The following NLGN1 variants were observed in gnomAD, a reference collection of about 807,000 sequenced individuals.
NLGN1 encodes the protein neuroligin-1.
In NLGN1, 12 loss-of-function variants were observed where a neutral mutation model predicts 65.5. The ratio of observed to expected loss-of-function variants is 0.18; its 90% CI spans 0.12 to 0.30. The LOEUF (loss-of-function observed/expected upper bound fraction) is 0.30, where lower values mean the gene tolerates loss of function less well. NLGN1 is among the 10% of genes least tolerant of loss of function. The pLI, the probability that NLGN1 is intolerant of heterozygous loss-of-function variation, is 1.00. For missense variants in NLGN1, 750 were observed against 1,007.1 expected, an observed-to-expected ratio of 0.74 and a Z score of 3.46; for synonymous variants, 350 against 359.5, an observed-to-expected ratio of 0.97 and a Z score of 0.30.
chr3:173,698,855 GTTGTTTGT>G (rs201682832), intron 3 of NLGN1, among the ~76,000 whole-genome samples: 1 of 151,734 alleles, frequency 6.6e-6, no homozygotes, highest in Non-Finnish European at 1.5e-5. Flanking sequence ...AATTTTTTTT[GTTGTTTGT>G]TTGTTTGTTT....
chr3:173,539,778 A>G (rs1403780279), intron 2 of NLGN1, among the ~76,000 whole-genome samples: 1 of 117,170 alleles, frequency 8.5e-6, no homozygotes, highest in Admixed American at 9.2e-5. Context: ...TATATAACAC[A>G]TATATATGTA....
At chr3:174,067,019 A>G (rs148559392) in intron 4 of NLGN1, among the ~76,000 whole-genome samples, 78 of 152,238 alleles carry the variant, frequency 5.1e-4, no homozygotes, top group African/African-American at 1.9e-3. Flanking sequence ...GCTTCTCTGT[A>G]TTTCTGAATT....
intron 4 of NLGN1, among the ~76,000 whole-genome samples, chr3:174,273,971 C>T (rs959971805): frequency 5.9e-4 from 90 of 151,632 alleles, no homozygotes; most frequent in African/African-American, 2.1e-3. Context: ...TAAATGTAAT[C>T]GATGTCCTAG....
At chr3:173,654,559 T>A (rs1329332455) in intron 3 of NLGN1, among the ~76,000 whole-genome samples, 1 of 152,134 alleles carries the variant, frequency 6.6e-6, no homozygotes, top group Non-Finnish European at 1.5e-5. Context: ...ATTGTTTTCT[T>A]GGTTCTAAGT....
chr3:174,016,870 T>G (rs1186143705), intron 4 of NLGN1, among the ~76,000 whole-genome samples: 1 of 152,096 alleles, frequency 6.6e-6, no homozygotes, highest in Non-Finnish European at 1.5e-5. Context: ...AGAAGAATTA[T>G]CACTGGAGGT....
intron 4 of NLGN1, among the ~76,000 whole-genome samples, chr3:174,260,702 G>T (rs1377867041): frequency 2.0e-5 from 3 of 146,998 alleles, no homozygotes; most frequent in Non-Finnish European, 4.5e-5. Context: ...GATCCCATTT[G>T]TCAATTTTGG....
chr3:173,994,465 CAAAAAAAAAAAAAAAA>C (rs1170577220), intron 4 of NLGN1, among the ~76,000 whole-genome samples: 1 of 32,908 alleles, frequency 3.0e-5, no homozygotes. Context: ...TTGAGAAAAG[CAAAAAAAAAAAAAAAA>C]AAAAAAAAAA....
At chr3:173,592,121 C>CTT (rs138944862) in intron 2 of NLGN1, among the ~76,000 whole-genome samples, 1,896 of 152,264 alleles carry the variant, frequency 0.012, 47 homozygotes, top group African/African-American at 0.042. Context: ...CTCTTGCCCC[C>CTT]TTCACCTCCC....
chr3:173,704,092 G>A (rs1767671556), intron 3 of NLGN1, among the ~76,000 whole-genome samples: 1 of 152,146 alleles, frequency 6.6e-6, no homozygotes, highest in South Asian at 2.1e-4. Flanking sequence ...ACCTGCAGTA[G>A]CAGATGCAGA....
At chr3:173,430,035 C>T (rs965887891) in intron 1 of NLGN1, among the ~76,000 whole-genome samples, 1 of 152,146 alleles carries the variant, frequency 6.6e-6, no homozygotes, top group East Asian at 1.9e-4. Context: ...ATGATGCTTC[C>T]TGTGGATTCA....
At chr3:173,975,672 A>G (rs1018485975) in intron 4 of NLGN1, among the ~76,000 whole-genome samples, 3 of 151,888 alleles carry the variant, frequency 2.0e-5, no homozygotes, top group Admixed American at 6.6e-5. Context: ...ATACTTTCCA[A>G]TTCCTTTTTT....
intron 4 of NLGN1, among the ~76,000 whole-genome samples, chr3:174,144,682 T>C (rs1370523327): frequency 6.6e-6 from 1 of 152,226 alleles, no homozygotes; most frequent in East Asian, 1.9e-4. Context: ...ATGAGCTTTT[T>C]TTCATATGTT....
chr3:173,589,060 T>C lies in NLGN1; in HGVS notation c.-320-15219T>C, dbSNP rs192759445. 9.9e-5 allele frequency among the ~76,000 whole-genome samples: 15 copies of C among 152,284 alleles called. No homozygotes were observed. The East Asian group carries it at 2.9e-3, about 29-fold the overall frequency. On this transcript the variant is annotated intron_variant, in intron 2 of 6. Coordinates refer to ENST00000457714, the Ensembl canonical transcript of NLGN1. The stretch of plus-strand genomic sequence containing the variant: ...ACTGATGTAAATTCAAAAACCACAG[T>C]GATATATCACAGGAAATTAAGTTCC...
chr3:173,515,109 C>T (rs960441298), intron 2 of NLGN1, among the ~76,000 whole-genome samples: 1 of 152,154 alleles, frequency 6.6e-6, no homozygotes, highest in Middle Eastern at 3.2e-3. Flanking sequence ...TACCAGTTTA[C>T]ATCCCTCCCA....
intron 4 of NLGN1, among the ~76,000 whole-genome samples, chr3:173,904,032 CTTT>C (rs1251763164): frequency 1.3e-5 from 2 of 151,824 alleles, no homozygotes; most frequent in African/African-American, 4.8e-5. Context: ...TTTTGAAGGA[CTTT>C]TATATTACAG....
chr3:174,070,801 T>A (rs1739672254), intron 4 of NLGN1, among the ~76,000 whole-genome samples: 1 of 152,176 alleles, frequency 6.6e-6, no homozygotes, highest in Admixed American at 6.6e-5. Flanking sequence ...ACGCCTATAA[T>A]TCTAACACTT....
intron 3 of NLGN1, among the ~76,000 whole-genome samples, chr3:173,623,383 A>G (rs1262421975): frequency 6.6e-6 from 1 of 152,096 alleles, no homozygotes. Context: ...TTGGAGAGTT[A>G]AAAGGGAGGA....
At chr3:174,088,563 T>G (rs1743874488) in intron 4 of NLGN1, among the ~76,000 whole-genome samples, 1 of 151,922 alleles carries the variant, frequency 6.6e-6, no homozygotes, top group African/African-American at 2.4e-5. Context: ...GAGACCATCC[T>G]GGCTAACAGT....
At chr3:174,275,207 C>T (rs1489149051) in intron 4 of NLGN1, 108 bp from the exon 5 acceptor site, 8 of 765,776 alleles carry the variant, frequency 1.0e-5, no homozygotes, top group Admixed American at 5.1e-5. Flanking sequence ...TACTAATGAA[C>T]TTGGACTGTC....
Sources: gnomAD v4.1 joint callset for allele counts (sites outside exome capture counted in the v4.1 genomes callset) on GRCh38, gnomAD v4.1.1 for gene constraint, MANE v1.5 for transcripts, NCBI Gene and HGNC (gene_info 2026-07-23, HGNC 2026-07-21) for gene names.